Variants in SPPL2A observed in about 807,000 individuals in gnomAD.
The protein encoded by SPPL2A is signal peptide peptidase-like 2A.
A neutral mutation model predicts 63.8 loss-of-function variants in SPPL2A; 51 were observed. The observed-to-expected ratio is 0.80, with a 90% confidence interval of 0.64 to 1.01. SPPL2A has a LOEUF of 1.01. SPPL2A is among the 50% of genes least tolerant of loss of function. SPPL2A has a pLI of 0.00. For synonymous variants in SPPL2A, 188 were observed against 205.8 expected, an observed-to-expected ratio of 0.91 and a Z score of 0.74; for missense variants, 553 against 622.7, an observed-to-expected ratio of 0.89 and a Z score of 1.19.
Position 50,731,670 on chromosome 15 carries a change from G to A in SPPL2A, c.1015-631C>T, listed in dbSNP as rs189978375. 3.9e-3 allele frequency among the ~76,000 whole-genome samples: 593 copies of A among 151,964 alleles called. 4 individuals carry two copies. Among genetic ancestry groups the A allele is most frequent in the African/African-American group, 0.014 (562 of 41,470 alleles). On this transcript the variant is annotated intron_variant, in intron 9 of 14. Coordinates refer to ENST00000261854, the MANE Select transcript of SPPL2A (RefSeq NM_032802.4). ...AGGCTGGGCACAGTGGCTCATGCCC[G>A]TAATCCCAGCACTTTGGGAGGCCCA...
At chr15:50,720,503 A>G (rs1033535810) in intron 13 of SPPL2A, among the ~76,000 whole-genome samples, 1 of 145,104 alleles carries the variant, frequency 6.9e-6, no homozygotes, top group Non-Finnish European at 1.5e-5. Context: ...ATAAGCACAT[A>G]CTTTTGAACT....
intron 6 of SPPL2A, among the ~76,000 whole-genome samples, chr15:50,738,758 T>C (rs952208629): frequency 1.3e-5 from 2 of 152,130 alleles, no homozygotes; most frequent in Non-Finnish European, 2.9e-5. Context: ...TTCCATTCTA[T>C]TAAGCCATTA....
At chr15:50,751,475 G>A (rs1255624520) in intron 1 of SPPL2A, among the ~76,000 whole-genome samples, 1 of 152,160 alleles carries the variant, frequency 6.6e-6, no homozygotes, top group Non-Finnish European at 1.5e-5. Flanking sequence ...AACATTTTTG[G>A]AAAGAATGCT....
At chr15:50,762,258 C>T (rs994947479) in intron 1 of SPPL2A, among the ~76,000 whole-genome samples, 2 of 151,274 alleles carry the variant, frequency 1.3e-5, no homozygotes, top group Non-Finnish European at 2.9e-5. Context: ...ATCCCAGGTA[C>T]TTGGGAGGCT....
At chr15:50,744,365 T>C (rs2062842880) in intron 5 of SPPL2A, among the ~76,000 whole-genome samples, 1 of 152,182 alleles carries the variant, frequency 6.6e-6, no homozygotes, top group Admixed American at 6.6e-5. Flanking sequence ...CAATCAAATT[T>C]TAGTATTTAA....
At chr15:50,756,774 T>A (rs201900340) in intron 1 of SPPL2A, among the ~76,000 whole-genome samples, 27 of 152,126 alleles carry the variant, frequency 1.8e-4, no homozygotes, top group East Asian at 1.7e-3. Flanking sequence ...CATAATCTAG[T>A]CTCTTCATCT....
At chr15:50,726,492 C>A in intron 10 of SPPL2A, 115 bp from the exon 11 acceptor site, 1 of 912,564 alleles carries the variant, frequency 1.1e-6, no homozygotes, top group South Asian at 1.6e-5. Context: ...TGAAAATGGG[C>A]TGCAGACTGC....
At chr15:50,755,367 T>A (rs2062948448) in intron 1 of SPPL2A, among the ~76,000 whole-genome samples, 1 of 149,968 alleles carries the variant, frequency 6.7e-6, no homozygotes, top group East Asian at 2.0e-4. Flanking sequence ...ATGCCTGCAA[T>A]CCCAGCGCTT....
chr15:50,723,163 C>G (rs970496270), intron 12 of SPPL2A, among the ~76,000 whole-genome samples: 1 of 152,058 alleles, frequency 6.6e-6, no homozygotes, highest in African/African-American at 2.4e-5. Context: ...GAAAAGTAAG[C>G]CTTAGAGACG....
chr15:50,717,936 T>C (rs2062609895), intron 14 of SPPL2A, among the ~76,000 whole-genome samples: 1 of 149,218 alleles, frequency 6.7e-6, no homozygotes, highest in African/African-American at 2.4e-5. Context: ...GTTAGTGACT[T>C]TATGTCTATT....
intron 8 of SPPL2A, among the ~76,000 whole-genome samples, chr15:50,735,058 C>A (rs764963618): frequency 4.6e-5 from 7 of 152,052 alleles, no homozygotes; most frequent in Non-Finnish European, 1.0e-4. Context: ...GCGCATGCCA[C>A]CATGCCCGGC....
At chr15:50,741,027 G>C (rs899971568) in intron 5 of SPPL2A, among the ~76,000 whole-genome samples, 1 of 152,116 alleles carries the variant, frequency 6.6e-6, no homozygotes, top group African/African-American at 2.4e-5. Context: ...GCATAACTTT[G>C]TCCTACCTTT....
chr15:50,715,675 T>A (rs1488680340), intron 14 of SPPL2A, among the ~76,000 whole-genome samples: 1 of 152,070 alleles, frequency 6.6e-6, no homozygotes, highest in East Asian at 1.9e-4. Flanking sequence ...ATTGCTTATT[T>A]TAAAAACACA....
At chr15:50,731,940 A>C (rs1341745925) in intron 9 of SPPL2A, among the ~76,000 whole-genome samples, 1 of 124,892 alleles carries the variant, frequency 8.0e-6, no homozygotes, top group African/African-American at 2.9e-5. Context: ...AAAAAAAAAA[A>C]AAACCAAATA....
chr15:50,704,372 C>T lies in SPPL2A; in HGVS notation c.*3428G>A, dbSNP rs2062495513. 2 of 146,100 alleles carry T rather than the reference C, an allele frequency of 1.4e-5. No homozygotes were observed. Among genetic ancestry groups the T allele is most frequent in the South Asian group, 4.3e-4 (2 of 4,640 alleles). The allele number at this position is 146,100 out of a possible 1,614,324, so 9.1% of individuals were successfully genotyped here. A position where few individuals can be genotyped will look rare whatever the true frequency, so the allele number is the denominator to read the frequency against. Reference sequence around the variant, plus strand: ...AAAAAAAAAAAAAAAAATCTACAAGCTAGAAGAAAATATAATGTATTAGAA... The same window carrying T: ...AAAAAAAAAAAAAAAAATCTACAAGTTAGAAGAAAATATAATGTATTAGAA... On this transcript the variant is annotated 3_prime_UTR_variant, in exon 15 of 15. Transcript: ENST00000261854.
intron 14 of SPPL2A, among the ~76,000 whole-genome samples, chr15:50,713,645 G>A (rs1439166627): frequency 6.6e-6 from 1 of 151,820 alleles, no homozygotes. Flanking sequence ...TCAACATTTT[G>A]TGCATAATGA....
rs1019063647 is a variant in SPPL2A, at chr15:50,703,043, T to C, written c.*4757A>G. On this transcript the variant is annotated 3_prime_UTR_variant, in exon 15 of 15. Coordinates refer to ENST00000261854, the MANE Select transcript of SPPL2A (RefSeq NM_032802.4). The stretch of plus-strand genomic sequence containing the variant: ...TCCTCCAGGAAATGTATAAAGTTAT[T>C]TATTTTATGTTATATATCTATATTT... 6.6e-6 allele frequency: 1 copy of C among 151,832 alleles called. No homozygotes were observed. Among genetic ancestry groups the C allele is most frequent in the African/African-American group, 2.4e-5 (1 of 41,340 alleles). 9.4% of individuals were successfully genotyped at this position (151,832 alleles called of 1,614,324 possible).
chr15:50,732,667 T>C lies in SPPL2A; in HGVS notation c.950A>G (p.Gln317Arg). The change falls in exon 9 of 15, where the codon CAG becomes CGG. Residue 317 changes from glutamine (Q) to arginine (R), a missense_variant. Coordinates refer to ENST00000261854, the MANE Select transcript of SPPL2A (RefSeq NM_032802.4). The stretch of plus-strand genomic sequence containing the variant: ...ACAGAAAGCAATCCCCAAGATATCC[T>C]GTAAAATCCAAGCCCACCTAAAATC... The part of the protein sequence containing the change: ...RNEDRWAWIL[Q>R]DILGIAFCLN... The C allele has an allele frequency of 1.9e-6, 3 of 1,610,392 alleles. No homozygotes were observed. The highest frequency in any genetic ancestry group is 1.1e-5 in the South Asian group (1 of 90,688).
chr15:50,732,559 T>C (rs1237711511), intron 9 of SPPL2A, 44 bp downstream of exon 9: 2 of 1,249,896 alleles, frequency 1.6e-6, no homozygotes, highest in African/African-American at 1.5e-5. Flanking sequence ...AAGTTGTCTT[T>C]TAAAAATTTA....
Sources: allele counts gnomAD v4.1 joint callset (sites outside exome capture counted in the v4.1 genomes callset), GRCh38; gene constraint gnomAD v4.1.1; transcripts MANE v1.5; gene names NCBI Gene and HGNC (gene_info 2026-07-23, HGNC 2026-07-21).